The following DMD variants were observed in gnomAD, a reference collection of about 807,000 sequenced individuals.
The protein encoded by DMD is mutant dystrophin.
In DMD, 63 loss-of-function variants were observed where a neutral mutation model predicts 330.1. The ratio of observed to expected loss-of-function variants is 0.19; its 90% confidence interval spans 0.16 to 0.24. The LOEUF is 0.24. DMD is among the 10% of genes least tolerant of loss of function. The pLI, the probability that DMD is intolerant of heterozygous loss-of-function variation, is 1.00. For missense variants in DMD, 3,344 were observed against 2,684.1 expected, an observed-to-expected ratio of 1.25 and a Z score of -5.43; for synonymous variants, 1,223 against 959.8, an observed-to-expected ratio of 1.27 and a Z score of -5.07.
chrX:33,026,041 G>A (rs2093989465), intron 1 of DMD, among the ~76,000 whole-genome samples: 1 of 110,547 alleles, frequency 9.0e-6, no homozygotes, highest in South Asian at 3.8e-4. Flanking sequence ...TTCACTTAAA[G>A]AAAGAACTAT....
chrX:31,747,020 A>C (rs2087902469), intron 51 of DMD, among the ~76,000 whole-genome samples: 2 of 111,469 alleles, frequency 1.8e-5, no homozygotes, highest in African/African-American at 6.5e-5. Context: ...TTCTTCTCAG[A>C]ACTTATATGA....
At chrX:31,317,026 C>T (rs2056070044) in intron 62 of DMD, among the ~76,000 whole-genome samples, 1 of 111,997 alleles carries the variant, frequency 8.9e-6, no homozygotes, top group African/African-American at 3.2e-5. Flanking sequence ...TAAGAATCCT[C>T]AAGGGCAATA....
chrX:33,255,203 C>T (rs2052837073), intron 1 of DMD, among the ~76,000 whole-genome samples: 1 of 110,587 alleles, frequency 9.0e-6, no homozygotes, highest in Admixed American at 9.6e-5. Context: ...TTCAAATCAC[C>T]TCATATTTAA....
chrX:32,727,189 T>C (rs968141654), intron 7 of DMD, among the ~76,000 whole-genome samples: 1 of 111,471 alleles, frequency 9.0e-6, no homozygotes, highest in Admixed American at 9.6e-5. Context: ...AAAATTCAGT[T>C]AGTGAATGCA....
rs1367265135 is a variant in DMD at position 32,346,020 on chromosome X, T to G, written c.5509A>C (p.Arg1837=). 1 of 1,210,161 alleles carries G rather than the reference T, an allele frequency of 8.3e-7. No individual in the cohort carries two copies. Residue 1837 remains arginine, a synonymous_variant, in exon 39 of 79, where the codon AGA becomes CGA. Transcript: ENST00000357033. ...LLQRGDNLQQ[R]ITDERKREEI... ...TCTCGCTTTCTCTCATCTGTGATTC[T>G]TTGTTGTAAGTTGTCTCCTCTTTGC...
chrX:32,292,394 G>A (rs184661263), intron 42 of DMD, among the ~76,000 whole-genome samples: 11 of 95,469 alleles, frequency 1.2e-4, no homozygotes, highest in African/African-American at 4.1e-4. Context: ...TCCGCCTCCC[G>A]GGTTTACTTA....
rs189349541 is a variant in DMD at position 31,205,609 on chromosome X, G to A, written c.9649+973C>T. On this transcript the variant is annotated intron_variant, in intron 66 of 78. Coordinates refer to ENST00000357033, the MANE Select transcript of DMD (RefSeq NM_004006.3). ...AGCACACAGGTATCCCATCTCATCC[G>A]AAATACATTTTAAAATGGTTAACAA... Among the ~76,000 whole-genome samples the A allele has an allele frequency of 3.0e-3, 341 of 112,266 alleles. 1 individual carries two copies. Among genetic ancestry groups the A allele is most frequent in the African/African-American group, 0.011 (331 of 30,946 alleles).
In DMD at chrX:33,103,775, AT is replaced by A. The variant is rs748449474; in HGVS notation, c.32-83576del. Reference sequence around the variant, plus strand: ...TATGTCTTGCATTTTTTGAGCTATAATTTTTAAAAAATGTAAACTCAGAAAT... The same window carrying A: ...TATGTCTTGCATTTTTTGAGCTATAATTTTAAAAAATGTAAACTCAGAAAT... On this transcript the variant is annotated intron_variant, in intron 1 of 78. Transcript: ENST00000357033. Among the ~76,000 whole-genome samples, 3 of 111,940 alleles carry A rather than the reference AT, an allele frequency of 2.7e-5. No individual in the cohort carries two copies. In the East Asian group the frequency reaches 8.4e-4, roughly 31 times the overall value.
In DMD at chrX:31,414,696, G is replaced by A. The variant is rs373122622; in HGVS notation, c.9084+29785C>T. On this transcript the variant is annotated intron_variant, in intron 60 of 78. Transcript: ENST00000357033. ...TAAAATGCTGCAAGTTTACCTAAAC[G>A]CATCCAAATATTATAAAAGAAAATA... 2.8e-4 allele frequency among the ~76,000 whole-genome samples: 31 copies of A among 111,881 alleles called. No homozygotes were observed. The East Asian group carries it at 4.5e-3, about 16-fold the overall frequency.
intron 1 of DMD, among the ~76,000 whole-genome samples, chrX:33,331,000 T>C (rs748404473): frequency 1.8e-5 from 2 of 112,090 alleles, no homozygotes; most frequent in Non-Finnish European, 3.8e-5. Flanking sequence ...CTCATCCACA[T>C]AAACCACGTT....
intron 1 of DMD, among the ~76,000 whole-genome samples, chrX:33,136,969 T>C (rs2095531350): frequency 9.0e-6 from 1 of 110,712 alleles, no homozygotes; most frequent in Non-Finnish European, 1.9e-5. Context: ...CATATATAAA[T>C]ATACAAGTTT....
chrX:32,741,974 C>T (rs370686734), intron 7 of DMD, among the ~76,000 whole-genome samples: 2 of 111,596 alleles, frequency 1.8e-5, no homozygotes, highest in African/African-American at 3.3e-5. Context: ...TGGCAAAAAC[C>T]GTGATTACTT....
At chrX:31,654,976 T>C (rs1446897861) in intron 54 of DMD, among the ~76,000 whole-genome samples, 1 of 111,558 alleles carries the variant, frequency 9.0e-6, no homozygotes, top group Non-Finnish European at 1.9e-5. Context: ...CAGAAACAAG[T>C]AAATGCATTA....
intron 2 of DMD, among the ~76,000 whole-genome samples, chrX:32,950,483 G>A (rs1339342068): frequency 9.0e-6 from 1 of 110,681 alleles, no homozygotes; most frequent in Non-Finnish European, 1.9e-5. Context: ...AAGGACATTG[G>A]AGACTGTATT....
In DMD at chrX:32,449,079, T is replaced by C. The variant is rs141752654; in HGVS notation, c.3604-441A>G. Among the ~76,000 whole-genome samples, 495 of 110,772 alleles carry C rather than the reference T, an allele frequency of 4.5e-3. 1 individual carries two copies. The highest frequency in any genetic ancestry group is 0.012 in the African/African-American group (380 of 30,744). ...TATCATTATTTAAGTTAAAGGATAC[T>C]TAACATAGAAAGGTCCCCTTGATGC... On this transcript the variant is annotated intron_variant, in intron 26 of 78. Transcript: ENST00000357033.
intron 74 of DMD, among the ~76,000 whole-genome samples, chrX:31,168,397 C>G (rs73462321): frequency 0.12 from 13,568 of 110,391 alleles, 1,557 homozygotes; most frequent in African/African-American, 0.35. Flanking sequence ...GGATTTATTG[C>G]AAGGGTGGGA....
rs146749435 is a variant in DMD, at chrX:32,905,138, A to C, written c.94-55318T>G. ...AAAATTTTACATTATTTTGCGACAG[A>C]AATACAAGTTTTGTTACTGATTAGA... On this transcript the variant is annotated intron_variant, in intron 2 of 78. Coordinates refer to ENST00000357033, the MANE Select transcript of DMD (RefSeq NM_004006.3). 3.5e-3 allele frequency among the ~76,000 whole-genome samples: 393 copies of C among 111,979 alleles called. 1 individual carries two copies. The highest frequency in any genetic ancestry group is 0.012 in the African/African-American group (368 of 30,823).
At chrX:33,270,440 C>T (rs763873334) in intron 1 of DMD, among the ~76,000 whole-genome samples, 2 of 111,749 alleles carry the variant, frequency 1.8e-5, no homozygotes, top group Non-Finnish European at 3.8e-5. Context: ...GAGGCACCCA[C>T]TCATAAAATG....
At chrX:31,140,071 C>T (rs956827640) in intron 76 of DMD, among the ~76,000 whole-genome samples, 3 of 111,670 alleles carry the variant, frequency 2.7e-5, no homozygotes, top group African/African-American at 6.5e-5. Context: ...CAATTTAATC[C>T]GAGAAAAAAG....
Sources: gnomAD v4.1 joint callset for allele counts (sites outside exome capture counted in the v4.1 genomes callset) on GRCh38, gnomAD v4.1.1 for gene constraint, MANE v1.5 for transcripts, NCBI Gene and HGNC (gene_info 2026-07-23, HGNC 2026-07-21) for gene names.